IQCM: variants seen among roughly 807,000 people sequenced by gnomAD.
The protein encoded by IQCM is IQ motif containing M.
Under a neutral mutation model 57.6 loss-of-function variants are expected in IQCM, and 45 were observed. The observed-to-expected ratio is 0.78, with a 90% CI of 0.62 to 1.00. The LOEUF (loss-of-function observed/expected upper bound fraction) is 1.00, where lower values mean the gene tolerates loss of function less well. IQCM is among the 50% of genes least tolerant of loss of function. IQCM has a pLI of 0.00. For missense variants in IQCM, 468 were observed against 511.6 expected (o/e 0.91, Z 0.82); for synonymous variants, 148 against 158.9 (o/e 0.93, Z 0.51).
At chr4:149,532,343 C>A (rs568562526) in intron 12 of IQCM, among the ~76,000 whole-genome samples, 45 of 152,086 alleles carry the variant, frequency 3.0e-4, no homozygotes, top group African/African-American at 8.7e-4. Context: ...TGGCAAGAGA[C>A]CTACAAGAGA....
At chr4:149,471,681 T>C (rs1303276614) in intron 12 of IQCM, among the ~76,000 whole-genome samples, 1 of 152,140 alleles carries the variant, frequency 6.6e-6, no homozygotes, top group Non-Finnish European at 1.5e-5. Context: ...AAGAGAATTT[T>C]AGACCAATAA....
intron 2 of IQCM, among the ~76,000 whole-genome samples, chr4:149,804,504 TC>T (rs1773897399): frequency 1.3e-5 from 2 of 152,040 alleles, no homozygotes; most frequent in Admixed American, 1.3e-4. Context: ...ACCTCAACTG[TC>T]TAAAGAATCT....
rs901590742 is a variant in IQCM at position 149,666,400 on chromosome 4, T to C, written c.565+15718A>G. Among the ~76,000 whole-genome samples the C allele has an allele frequency of 2.6e-5, 4 of 152,222 alleles. No individual in the cohort carries two copies. In the South Asian group the frequency reaches 6.2e-4, roughly 24 times the overall value. On this transcript the variant is annotated intron_variant, in intron 7 of 13. Transcript: ENST00000636793. The stretch of plus-strand genomic sequence containing the variant: ...GAGGGATGATGCTATCTGGCCCAGA[T>C]ACTACGCTTTTCCCATGGTCTTTGC...
chr4:149,393,892 A>ATT (rs1732037464), intron 13 of IQCM, among the ~76,000 whole-genome samples: 1 of 152,032 alleles, frequency 6.6e-6, no homozygotes, highest in Non-Finnish European at 1.5e-5. Context: ...AGATGCAAGA[A>ATT]GAATTGGTAA....
chr4:149,364,729 T>C (rs1349906731), intron 13 of IQCM, among the ~76,000 whole-genome samples: 3 of 152,056 alleles, frequency 2.0e-5, no homozygotes, highest in Non-Finnish European at 4.4e-5. Flanking sequence ...AAAATGTAGC[T>C]TATAGAATAT....
intron 7 of IQCM, among the ~76,000 whole-genome samples, chr4:149,634,616 C>G (rs1757569823): frequency 6.6e-6 from 1 of 152,168 alleles, no homozygotes; most frequent in African/African-American, 2.4e-5. Flanking sequence ...GACATTTTCA[C>G]TTTCATTCTG....
At chr4:149,670,357 T>A (rs1003349405) in intron 7 of IQCM, among the ~76,000 whole-genome samples, 71 of 152,214 alleles carry the variant, frequency 4.7e-4, no homozygotes, top group Non-Finnish European at 1.3e-4. Context: ...AAGTTGCTTA[T>A]CAGCTTAAGG....
At chr4:149,800,246 C>A (rs116215957) in intron 2 of IQCM, among the ~76,000 whole-genome samples, 3,465 of 151,812 alleles carry the variant, frequency 0.023, 102 homozygotes, top group African/African-American at 0.069. Context: ...GAATAAAAAC[C>A]AAATGATCAT....
intron 3 of IQCM, among the ~76,000 whole-genome samples, chr4:149,740,640 C>T (rs1767371689): frequency 6.6e-6 from 1 of 152,032 alleles, no homozygotes; most frequent in Non-Finnish European, 1.5e-5. Context: ...TAAATATGTG[C>T]TTCATTAATT....
chr4:149,495,098 G>T (rs550815711), intron 12 of IQCM, among the ~76,000 whole-genome samples: 49 of 152,152 alleles, frequency 3.2e-4, no homozygotes, highest in Non-Finnish European at 6.5e-4. Context: ...CATATGAAAG[G>T]GTGACAGTGC....
At chr4:149,494,003 T>C (rs868592378) in intron 12 of IQCM, among the ~76,000 whole-genome samples, 9 of 151,846 alleles carry the variant, frequency 5.9e-5, no homozygotes, top group African/African-American at 2.2e-4. Flanking sequence ...GGAAGCATGG[T>C]TCAAGCATGT....
At chr4:149,386,679 G>A (rs958119251) in intron 13 of IQCM, among the ~76,000 whole-genome samples, 7 of 152,070 alleles carry the variant, frequency 4.6e-5, no homozygotes, top group Admixed American at 3.3e-4. Context: ...AGTGTGTTTG[G>A]TTATGTCTTC....
intron 8 of IQCM, among the ~76,000 whole-genome samples, chr4:149,616,628 T>C (rs905602643): frequency 1.3e-5 from 2 of 152,114 alleles, no homozygotes; most frequent in Non-Finnish European, 1.5e-5. Flanking sequence ...TTATAAACAA[T>C]AATTTTAAAT....
intron 12 of IQCM, among the ~76,000 whole-genome samples, chr4:149,523,138 A>T (rs530996607): frequency 5.9e-5 from 9 of 152,172 alleles, no homozygotes; most frequent in Non-Finnish European, 8.8e-5. Context: ...CATGGCAGAC[A>T]GCAGAGAGAG....
At chr4:149,445,480 T>C (rs986518698) in intron 12 of IQCM, among the ~76,000 whole-genome samples, 2 of 151,766 alleles carry the variant, frequency 1.3e-5, no homozygotes, top group Admixed American at 6.6e-5. Flanking sequence ...TAATAAACCA[T>C]CCACCTGATA....
intron 13 of IQCM, among the ~76,000 whole-genome samples, chr4:149,397,678 G>T (rs1341149450): frequency 6.6e-6 from 1 of 151,960 alleles, no homozygotes; most frequent in South Asian, 2.1e-4. Flanking sequence ...GTGTGAAAAT[G>T]GACTAATACA....
intron 13 of IQCM, among the ~76,000 whole-genome samples, chr4:149,384,071 A>C (rs909571477): frequency 7.2e-5 from 11 of 152,198 alleles, no homozygotes; most frequent in Admixed American, 4.6e-4. Context: ...TTCTCATGAA[A>C]TTTGAGATTT....
intron 13 of IQCM, among the ~76,000 whole-genome samples, chr4:149,356,661 T>C (rs1729010441): frequency 6.6e-6 from 1 of 152,204 alleles, no homozygotes; most frequent in Non-Finnish European, 1.5e-5. Context: ...TGTAGTATAG[T>C]TTGAAGTCAG....
At chr4:149,518,576 T>G (rs548933943) in intron 12 of IQCM, among the ~76,000 whole-genome samples, 2 of 152,138 alleles carry the variant, frequency 1.3e-5, no homozygotes, top group African/African-American at 4.8e-5. Flanking sequence ...ATGGGTCATA[T>G]AAAGTACTAG....
Sources: gnomAD v4.1 joint callset for allele counts (sites outside exome capture counted in the v4.1 genomes callset) on GRCh38, gnomAD v4.1.1 for gene constraint, MANE v1.5 for transcripts, NCBI Gene and HGNC (gene_info 2026-07-23, HGNC 2026-07-21) for gene names.